Variants in BCLAF1 observed in about 807,000 individuals in gnomAD.
The protein encoded by BCLAF1 is bcl-2-associated transcription factor 1.
Under a neutral mutation model 99.5 loss-of-function variants are expected in BCLAF1, and 10 were observed. The ratio of observed to expected loss-of-function variants is 0.10; its 90% confidence interval spans 0.06 to 0.17. The LOEUF (loss-of-function observed/expected upper bound fraction) is 0.17. Ranked by LOEUF, BCLAF1 falls within the 10% of genes least tolerant of loss-of-function variation. The pLI, the probability that BCLAF1 is intolerant of heterozygous loss-of-function variation, is 1.00. For synonymous variants in BCLAF1, 255 were observed against 370.9 expected (o/e 0.69, Z 3.59); for missense variants, 636 against 1,105.8 (o/e 0.58, Z 6.02).
Position 136,272,992 on chromosome 6 carries a change from G to A in BCLAF1, c.1958+90C>T, listed in dbSNP as rs1399550579. On this transcript the variant is annotated intron_variant, in intron 7 of 12. Coordinates refer to ENST00000531224, the MANE Select transcript of BCLAF1 (RefSeq NM_014739.3). ...AATGAGGAATAATACTTGTATCAAT[G>A]ACAAAAACAAACTTCCAATACAATC... 6 of 873,326 alleles carry A rather than the reference G, an allele frequency of 6.9e-6. No homozygotes were observed. In the Admixed American group the frequency reaches 1.3e-4, roughly 19 times the overall value. 54.1% of individuals were successfully genotyped at this position (873,326 alleles called of 1,614,324 possible). A position where few individuals can be genotyped will look rare whatever the true frequency, so the allele number is the denominator to read the frequency against.
intron 9 of BCLAF1, 148 bp downstream of exon 9, chr6:136,269,289 A>G (rs1211560104): frequency 6.5e-7 from 1 of 1,526,834 alleles, no homozygotes; most frequent in Non-Finnish European, 8.8e-7. Context: ...CGTGTAAAAG[A>G]CAAATACATT....
At chr6:136,285,918 T>C (rs1039288729) in intron 1 of BCLAF1, among the ~76,000 whole-genome samples, 1 of 151,860 alleles carries the variant, frequency 6.6e-6, no homozygotes, top group Admixed American at 6.6e-5. Flanking sequence ...GCCAACATGG[T>C]GAAACCCCGT....
In BCLAF1 at chr6:136,267,172, G is replaced by A; in HGVS notation, c.2401C>T (p.Arg801Ter). 1 of 1,611,972 alleles carries A rather than the reference G, an allele frequency of 6.2e-7. No individual in the cohort carries two copies. The highest frequency in any genetic ancestry group is 8.5e-7 in the Non-Finnish European group (1 of 1,178,742). The change falls in exon 11 of 13, where the codon CGA becomes TGA. Residue 801 changes from arginine (R) to a stop codon, truncating the protein, a stop_gained. Transcript: ENST00000531224. LOFTEE classifies it high-confidence loss of function. ...GVSRPRGTFFRIRGRGRARGV... is the reference protein window; with the variant it reads ...GVSRPRGTFF ...CTGGCTCTTCCTCTGCCTCTAATTC[G>A]AAACTGATTAACATTAACAAAGTTG...
At chr6:136,289,482 C>T (rs1419670923) in intron 1 of BCLAF1, among the ~76,000 whole-genome samples, 2 of 152,052 alleles carry the variant, frequency 1.3e-5, no homozygotes, top group Non-Finnish European at 2.9e-5. Context: ...GGTTCGCAAA[C>T]ACGCGCGCGC....
intron 11 of BCLAF1, among the ~76,000 whole-genome samples, chr6:136,265,795 T>C (rs1292057223): frequency 6.6e-6 from 1 of 152,148 alleles, no homozygotes; most frequent in Non-Finnish European, 1.5e-5. Context: ...AAAGCCACCA[T>C]ATATATTTAG....
At chr6:136,271,952 A>G (rs1377069680) in intron 8 of BCLAF1, 43 bp downstream of exon 8, 1 of 1,395,264 alleles carries the variant, frequency 7.2e-7, no homozygotes, top group Non-Finnish European at 1.0e-6. Flanking sequence ...ATCATTAACT[A>G]AGCTGAACTT....
chr6:136,258,627 G>C lies in BCLAF1; in HGVS notation c.*2483C>G, dbSNP rs768758263. The C allele has an allele frequency of 1.3e-5, 2 of 152,456 alleles. No individual in the cohort carries two copies. The highest frequency in any genetic ancestry group is 6.5e-5 in the Admixed American group (1 of 15,268). 9.4% of individuals were successfully genotyped at this position (152,456 alleles called of 1,614,324 possible). On this transcript the variant is annotated 3_prime_UTR_variant, in exon 13 of 13. Coordinates refer to ENST00000531224, the MANE Select transcript of BCLAF1 (RefSeq NM_014739.3). ...TTTATTGGCGTATGACAATTTACAA[G>C]GGTCCCTGTTGCATCATTATACATC...
rs866928029 is a variant in BCLAF1, at chr6:136,263,663, G to A, written c.2545-2186C>T. ...CTTCTCTTCTCCATACAAGGATCAC[G>A]TTTCAAAGGAATAATAACCAAAACT... On this transcript the variant is annotated intron_variant, in intron 11 of 12. Transcript: ENST00000531224. Among the ~76,000 whole-genome samples, 8 of 152,118 alleles carry A rather than the reference G, an allele frequency of 5.3e-5. No homozygotes were observed. The South Asian group carries it at 1.5e-3, about 28-fold the overall frequency.
intron 11 of BCLAF1, among the ~76,000 whole-genome samples, chr6:136,263,366 A>G (rs940467034): frequency 7.2e-5 from 11 of 152,192 alleles, no homozygotes; most frequent in African/African-American, 2.7e-4. Context: ...TGCTTTTAAT[A>G]TACAATCATC....
In BCLAF1 at chr6:136,259,623, T is replaced by C. The variant is rs1780731802; in HGVS notation, c.*1487A>G. On this transcript the variant is annotated 3_prime_UTR_variant, in exon 13 of 13. Coordinates refer to ENST00000531224, the MANE Select transcript of BCLAF1 (RefSeq NM_014739.3). ...TGAGGGCCATAAACATCACATATGT[T>C]GAGTTTGCTTTTAGTTTTGTTTCCA... 6.6e-6 allele frequency: 1 copy of C among 152,026 alleles called. No homozygotes were observed. The highest frequency in any genetic ancestry group is 1.5e-5 in the Non-Finnish European group (1 of 67,890). 9.4% of individuals were successfully genotyped at this position (152,026 alleles called of 1,614,324 possible).
At chr6:136,274,286 TTAC>T in intron 6 of BCLAF1, 1 of 363,202 alleles carries the variant, frequency 2.8e-6, no homozygotes, top group Non-Finnish European at 4.2e-6. Context: ...TTATGAAACA[TTAC>T]TACAGTTCTT....
rs141886912 is a variant in BCLAF1 at position 136,287,924 on chromosome 6, G to C, written c.-115+1789C>G. Among the ~76,000 whole-genome samples, 777 of 152,286 alleles carry C rather than the reference G, an allele frequency of 5.1e-3. 3 individuals are homozygous for C. The highest frequency in any genetic ancestry group is 0.016 in the African/African-American group (684 of 41,568). Reference sequence around the variant, plus strand: ...TAGTCCCAGCTACTCGGGAGGCTGAGGCAGGAGAATCGCTTGGACCCGGAG... The same window carrying C: ...TAGTCCCAGCTACTCGGGAGGCTGACGCAGGAGAATCGCTTGGACCCGGAG... On this transcript the variant is annotated intron_variant, in intron 1 of 12. Coordinates refer to ENST00000531224, the MANE Select transcript of BCLAF1 (RefSeq NM_014739.3).
intron 11 of BCLAF1, among the ~76,000 whole-genome samples, chr6:136,261,719 A>C (rs1209291808): frequency 6.6e-6 from 1 of 152,176 alleles, no homozygotes; most frequent in Non-Finnish European, 1.5e-5. Context: ...CCAGACAATC[A>C]TTTGGAAGAT....
chr6:136,265,153 A>ACTCT (rs535648242), intron 11 of BCLAF1, among the ~76,000 whole-genome samples: 20 of 151,792 alleles, frequency 1.3e-4, no homozygotes, highest in African/African-American at 4.4e-4. Flanking sequence ...TGGCATTTTT[A>ACTCT]CTCTCTCTCA....
At chr6:136,261,872 G>A (rs1288117520) in intron 11 of BCLAF1, among the ~76,000 whole-genome samples, 1 of 152,042 alleles carries the variant, frequency 6.6e-6, no homozygotes, top group African/African-American at 2.4e-5. Flanking sequence ...TAAAGATGCA[G>A]CAGAAAGTCA....
chr6:136,284,130 G>GTGTGTGTATATA (rs36141174), intron 1 of BCLAF1, among the ~76,000 whole-genome samples: 43 of 122,098 alleles, frequency 3.5e-4, no homozygotes, highest in African/African-American at 1.5e-3. Context: ...GTGTGTGTGT[G>GTGTGTGTATATA]TATATATATA....
At chr6:136,281,919 T>C (rs1243838402) in intron 2 of BCLAF1, among the ~76,000 whole-genome samples, 1 of 152,222 alleles carries the variant, frequency 6.6e-6, no homozygotes. Context: ...AGTTCATTTT[T>C]AAAGGTTTGC....
intron 6 of BCLAF1, chr6:136,273,873 A>G (rs1270951273): frequency 1.5e-6 from 1 of 678,230 alleles, no homozygotes; most frequent in Non-Finnish European, 1.9e-6. Context: ...TGTAAAATAG[A>G]AAGACGTATA....
rs1780591256 is a variant in BCLAF1, at chr6:136,258,406, AAAAACAAAAACAAAAACAAGAC to A, written c.*2682_*2703del. The A allele has an allele frequency of 6.6e-6, 1 of 151,828 alleles. No homozygotes were observed. The highest frequency in any genetic ancestry group is 2.1e-4 in the South Asian group (1 of 4,796). 9.4% of individuals were successfully genotyped at this position (151,828 alleles called of 1,614,324 possible). A position where few individuals can be genotyped will look rare whatever the true frequency, so the allele number is the denominator to read the frequency against. On this transcript the variant is annotated 3_prime_UTR_variant, in exon 13 of 13. Transcript: ENST00000531224. ...GAAAAACAAAAACAAAAACAAAAAC[AAAAACAAAAACAAAAACAAGAC>A]AAAACAAAAAAACAGTAAAGAAAGG...
Sources: gnomAD v4.1 joint callset for allele counts (sites outside exome capture counted in the v4.1 genomes callset) on GRCh38, gnomAD v4.1.1 for gene constraint, MANE v1.5 for transcripts, NCBI Gene and HGNC (gene_info 2026-07-23, HGNC 2026-07-21) for gene names.